TBCD: variants seen among roughly 807,000 people sequenced by gnomAD.
The protein encoded by TBCD is tubulin folding cofactor D, also known as tubulin-specific chaperone D.
TBCD carries 105 observed loss-of-function variants against 169.3 expected under a neutral mutation model. That is an observed-to-expected ratio of 0.62 (90% CI 0.53 to 0.73). The LOEUF is 0.73. TBCD is among the 30% of genes least tolerant of loss of function. The pLI, the probability that TBCD is intolerant of heterozygous loss-of-function variation, is 0.00. For missense variants in TBCD, 1,444 were observed against 1,600.1 expected (o/e 0.90, Z 1.66); for synonymous variants, 700 against 643.9 (o/e 1.09, Z -1.32).
At chr17:82,784,480 G>A (rs1271096378) in intron 7 of TBCD, among the ~76,000 whole-genome samples, 1 of 152,074 alleles carries the variant, frequency 6.6e-6, no homozygotes, top group African/African-American at 2.4e-5. Context: ...GTAGGGCAGG[G>A]AGGACTCAGG....
intron 18 of TBCD, among the ~76,000 whole-genome samples, chr17:82,901,247 G>A (rs1017824647): frequency 7.9e-5 from 12 of 152,244 alleles, no homozygotes; most frequent in African/African-American, 1.7e-4. Flanking sequence ...CATAAACAGC[G>A]CGTTAGTGCT....
intron 7 of TBCD, among the ~76,000 whole-genome samples, chr17:82,791,572 G>T (rs889811721): frequency 7.2e-5 from 11 of 152,222 alleles, no homozygotes; most frequent in African/African-American, 2.7e-4. Flanking sequence ...ACAGTCATAA[G>T]TCCCTGTCAT....
At chr17:82,876,819 C>T (rs75326860) in intron 14 of TBCD, 22,193 of 217,370 alleles carry the variant, frequency 0.1, 1,437 homozygotes, top group South Asian at 0.29. Context: ...TGAAGTGAGG[C>T]CAGCTTTGCC....
chr17:82,944,730 A>T lies in TBCD; in HGVS notation c.*2267A>T, dbSNP rs998231738. 1 of 152,218 alleles carries T rather than the reference A, an allele frequency of 6.6e-6. No homozygotes were observed. The highest frequency in any genetic ancestry group is 2.4e-5 in the African/African-American group (1 of 41,432). The allele number at this position is 152,218 out of a possible 1,614,324, so 9.4% of individuals were successfully genotyped here. On this transcript the variant is annotated 3_prime_UTR_variant, in exon 39 of 39. Coordinates refer to ENST00000355528, the MANE Select transcript of TBCD (RefSeq NM_005993.5). ...ACCCACAAACACGTTCTAGGTGCTA[A>T]CCAGAAACCCTCCATGTGAGAGCAG...
At chr17:82,926,339 C>G (rs2061760373) in intron 27 of TBCD, 61 bp from the exon 28 acceptor site, 1 of 1,530,212 alleles carries the variant, frequency 6.5e-7, no homozygotes, top group Admixed American at 1.7e-5. Context: ...ATTGCCACCT[C>G]CCTAAAGAGT....
At chr17:82,838,639 T>C in intron 13 of TBCD, 1 of 985,446 alleles carries the variant, frequency 1.0e-6, no homozygotes, top group Non-Finnish European at 1.2e-6. Flanking sequence ...TTTACTCCAA[T>C]TGAGCTTTTC....
At chr17:82,811,683 G>C (rs1382152784) in intron 12 of TBCD, among the ~76,000 whole-genome samples, 1 of 152,116 alleles carries the variant, frequency 6.6e-6, no homozygotes, top group African/African-American at 2.4e-5. Context: ...CCTTTCGCTG[G>C]GTGCTCAGCA....
chr17:82,937,843 C>T (rs2062760883), intron 35 of TBCD: 7 of 1,492,022 alleles, frequency 4.7e-6, no homozygotes, highest in East Asian at 2.5e-5. Context: ...TCACTTCCCA[C>T]AGTGACTTTC....
At chr17:82,871,555 C>G (rs1012267313) in intron 14 of TBCD, among the ~76,000 whole-genome samples, 7 of 152,262 alleles carry the variant, frequency 4.6e-5, no homozygotes, top group East Asian at 1.9e-4. Context: ...TGCAGCTGTT[C>G]AGGAGCCGAG....
chr17:82,887,168 T>TGTGTGTGTGTGCGCGCGCGCGCGC, intron 15 of TBCD, among the ~76,000 whole-genome samples: 51 of 126,182 alleles, frequency 4.0e-4, no homozygotes, highest in Middle Eastern at 4.0e-3. Context: ...TGTGTGTGTG[T>TGTGTGTGTGTGCGCGCGCGCGCGC]GCGCGCGCGC....
intron 16 of TBCD, among the ~76,000 whole-genome samples, chr17:82,892,194 CCTTGTT>C (rs1482778436): frequency 1.3e-5 from 2 of 152,036 alleles, no homozygotes; most frequent in African/African-American, 4.8e-5. Flanking sequence ...CACAGAGTCC[CCTTGTT>C]CTTGTTCTCG....
chr17:82,827,142 G>T (rs1196840950), intron 13 of TBCD, among the ~76,000 whole-genome samples: 2 of 152,206 alleles, frequency 1.3e-5, no homozygotes, highest in African/African-American at 4.8e-5. Flanking sequence ...AGCTAGGAAT[G>T]GCAGAAATTT....
rs777029100 is a variant in TBCD, at chr17:82,768,433, G to A, written c.449G>A (p.Arg150His). ...TTAATTTTTTAGGCTTGGGAAACCC[G>A]CTACATGCTTTTGCTCTGGCTCTCC... ...NPKDHEAWET[R>H]YMLLLWLSVT... is the part of the protein sequence containing the mutation. The change falls in exon 5 of 39, where the codon CGC (arginine) becomes CAC (histidine). Residue 150 changes from arginine (R) to histidine (H), a missense_variant. Arg to His is a conservative substitution (Grantham distance 29). Coordinates refer to ENST00000355528, the MANE Select transcript of TBCD (RefSeq NM_005993.5). 9.9e-6 allele frequency: 16 copies of A among 1,613,746 alleles called. No individual in the cohort carries two copies. In the Admixed American group the frequency reaches 2.0e-4, roughly 20 times the overall value.
rs533765328 is a variant in TBCD, at chr17:82,789,436, C to T, written c.771+7715C>T. On this transcript the variant is annotated intron_variant, in intron 7 of 38. Coordinates refer to ENST00000355528, the MANE Select transcript of TBCD (RefSeq NM_005993.5). The surrounding 1 kb of genome is among the most constrained non-coding windows in gnomAD (Gnocchi z 4.8). ...TGTGCTAGACGGGGAGGGGGCTTGG[C>T]GGGTCACCAGCCTCACCCCGCTCAG... 6.6e-5 allele frequency among the ~76,000 whole-genome samples: 10 copies of T among 152,308 alleles called. No individual in the cohort carries two copies. The East Asian group carries it at 1.5e-3, about 24-fold the overall frequency.
intron 8 of TBCD, 61 bp downstream of exon 8, chr17:82,797,863 G>T: frequency 7.8e-7 from 1 of 1,277,664 alleles, no homozygotes; most frequent in Non-Finnish European, 1.1e-6. Context: ...ATACAATCAA[G>T]TGTCTTTCCT....
chr17:82,813,323 A>G (rs545552418), intron 12 of TBCD, among the ~76,000 whole-genome samples: 1 of 151,156 alleles, frequency 6.6e-6, no homozygotes, highest in Admixed American at 6.6e-5. Flanking sequence ...CATAGCTTCC[A>G]CTATTTTCTG....
At chr17:82,861,576 G>A (rs938282050) in intron 13 of TBCD, among the ~76,000 whole-genome samples, 4 of 152,224 alleles carry the variant, frequency 2.6e-5, no homozygotes, top group African/African-American at 7.2e-5. Flanking sequence ...CCATGTGTCC[G>A]GAGAGGGCTG....
At chr17:82,763,764 G>A (rs1461726125) in intron 2 of TBCD, among the ~76,000 whole-genome samples, 2 of 152,098 alleles carry the variant, frequency 1.3e-5, no homozygotes, top group Non-Finnish European at 1.5e-5. Flanking sequence ...AAAAAGAGAC[G>A]GGTTTTGCTC....
Position 82,907,650 on chromosome 17 carries a change from G to A in TBCD, c.1923-111G>A, listed in dbSNP as rs2085616. The A allele has an allele frequency of 0.25, 302,660 of 1,189,212 alleles. 39,490 individuals are homozygous for A. The highest frequency in any genetic ancestry group is 0.28 in the Middle Eastern group (1,495 of 5,248). The allele number at this position is 1,189,212 out of a possible 1,614,324, so 73.7% of individuals were successfully genotyped here. Reference sequence around the variant, plus strand: ...GACCTTGCTGAGCCTATGCTCCTCCGAGTGTACTTGGGGTTAGGGTCTTGG... The same window carrying A: ...GACCTTGCTGAGCCTATGCTCCTCCAAGTGTACTTGGGGTTAGGGTCTTGG... On this transcript the variant is annotated intron_variant, in intron 20 of 38. Transcript: ENST00000355528.
Sources: gnomAD v4.1 joint callset for allele counts (sites outside exome capture counted in the v4.1 genomes callset) on GRCh38, gnomAD v4.1.1 for gene constraint, Gnocchi (gnomAD v3.1) non-coding constraint, MANE v1.5 for transcripts, NCBI Gene and HGNC (gene_info 2026-07-23, HGNC 2026-07-21) for gene names.